MPDZ: variants seen among roughly 807,000 people sequenced by gnomAD.
The protein encoded by MPDZ is multiple PDZ domain crumbs cell polarity complex component, also known as multiple PDZ domain protein.
MPDZ carries 234 observed loss-of-function variants against 239.1 expected under a neutral mutation model. That is an observed-to-expected ratio of 0.98 (90% confidence interval 0.88 to 1.09). The LOEUF (loss-of-function observed/expected upper bound fraction) is 1.09. Ranked by LOEUF, MPDZ falls within the 50% of genes least tolerant of loss-of-function variation. The pLI is 0.00. For synonymous variants in MPDZ, 1,048 were observed against 881.3 expected, an observed-to-expected ratio of 1.19 and a Z score of -3.35; for missense variants, 3,175 against 2,510.0, an observed-to-expected ratio of 1.26 and a Z score of -5.66.
intron 19 of MPDZ, among the ~76,000 whole-genome samples, chr9:13,176,863 GA>G (rs1952568479): frequency 1.3e-5 from 2 of 152,056 alleles, no homozygotes; most frequent in South Asian, 4.1e-4. Flanking sequence ...AATTGATTTG[GA>G]CTCATAAGGG....
chr9:13,192,033 T>C, intron 15 of MPDZ, 98 bp downstream of exon 15: 1 of 1,117,394 alleles, frequency 8.9e-7, no homozygotes, highest in Non-Finnish European at 1.2e-6. Context: ...GCGATGTGAG[T>C]AAATCAAATA....
intron 18 of MPDZ, among the ~76,000 whole-genome samples, chr9:13,185,585 A>G (rs1222042958): frequency 1.3e-5 from 2 of 152,126 alleles, no homozygotes; most frequent in African/African-American, 2.4e-5. Context: ...TATGTTGAGT[A>G]AATGTCACAT....
chr9:13,117,472 AGTG>A (rs1943649341), intron 39 of MPDZ, among the ~76,000 whole-genome samples: 1 of 150,818 alleles, frequency 6.6e-6, no homozygotes, highest in African/African-American at 2.4e-5. Context: ...CGGAGCTTGC[AGTG>A]AGCCGAGATC....
At chr9:13,114,633 G>A (rs1270844042) in intron 40 of MPDZ, among the ~76,000 whole-genome samples, 1 of 152,110 alleles carries the variant, frequency 6.6e-6, no homozygotes, top group African/African-American at 2.4e-5. Context: ...CAGGTACGGT[G>A]GCTCATGCCT....
rs1469672813 is a variant in MPDZ, at chr9:13,176,341, A to C, written c.2726T>G (p.Leu909Arg). ...AGGTGTATTCTCATCCTGTCTTTGC[A>C]GGAGATTCTGGGTATATAGTTCCTC... Reference protein sequence around the residue: ...SLEELYTQNLLQRQDENTPSV... With the variant: ...SLEELYTQNLRQRQDENTPSV... The change falls in exon 20 of 47, where the codon CTG becomes CGG. Residue 909 changes from leucine (L) to arginine (R), a missense_variant. Leu to Arg is a moderately radical substitution (Grantham distance 102). Coordinates refer to ENST00000319217, the MANE Select transcript of MPDZ (RefSeq NM_001378778.1). 1 of 1,608,214 alleles carries C rather than the reference A, an allele frequency of 6.2e-7. No individual in the cohort carries two copies.
At chr9:13,273,443 C>T (rs1164430093) in intron 1 of MPDZ, among the ~76,000 whole-genome samples, 1 of 152,080 alleles carries the variant, frequency 6.6e-6, no homozygotes, top group Middle Eastern at 3.2e-3. Flanking sequence ...TCCTATGGAG[C>T]CACCTGAGTA....
At chr9:13,240,893 C>T (rs1231998083) in intron 3 of MPDZ, among the ~76,000 whole-genome samples, 2 of 152,176 alleles carry the variant, frequency 1.3e-5, no homozygotes, top group East Asian at 3.9e-4. Context: ...CAGTAAATTT[C>T]ACATTTTTTT....
chr9:13,232,002 G>C (rs1258739992), intron 3 of MPDZ, among the ~76,000 whole-genome samples: 1 of 151,914 alleles, frequency 6.6e-6, no homozygotes, highest in East Asian at 1.9e-4. Context: ...CAGTTCAAAA[G>C]ATGGGAGAAA....
chr9:13,248,439 G>T (rs1376141503), intron 2 of MPDZ, among the ~76,000 whole-genome samples: 1 of 151,996 alleles, frequency 6.6e-6, no homozygotes, highest in Non-Finnish European at 1.5e-5. Context: ...TAAATATATT[G>T]AGTAACTATG....
chr9:13,219,309 T>C (rs910358064), intron 8 of MPDZ, among the ~76,000 whole-genome samples: 1 of 152,028 alleles, frequency 6.6e-6, no homozygotes, highest in African/African-American at 2.4e-5. Flanking sequence ...ATTATCCTCA[T>C]AAATATGCTG....
rs1382608315 is a variant in MPDZ at position 13,245,864 on chromosome 9, C to G, written c.183+1771G>C. On this transcript the variant is annotated intron_variant, in intron 3 of 46. Coordinates refer to ENST00000319217, the MANE Select transcript of MPDZ (RefSeq NM_001378778.1). ...CTATTTGTCCCCTCCTTTCATGAGA[C>G]ACTGTATGCACAAATAACTATTCCT... is the stretch of plus-strand genomic sequence containing the variant. Among the ~76,000 whole-genome samples the G allele has an allele frequency of 3.7e-4, 56 of 152,100 alleles. 1 individual carries two copies. Among genetic ancestry groups the G allele is most frequent in the Admixed American group, 3.7e-3 (56 of 15,268 alleles).
At chr9:13,174,177 G>C (rs4145186) in intron 21 of MPDZ, among the ~76,000 whole-genome samples, 145,034 of 152,244 alleles carry the variant, frequency 0.95, 69,428 homozygotes, top group Non-Finnish European at 1. Flanking sequence ...TCCACACTTG[G>C]AGAGTAGGGA....
At position 13,112,062 on chromosome 9, in the gene MPDZ, G is replaced by A. The variant is rs1942581163; in HGVS notation, c.5686C>T (p.His1896Tyr). 2 of 1,613,494 alleles carry A rather than the reference G, an allele frequency of 1.2e-6. No individual in the cohort carries two copies. Among genetic ancestry groups the A allele is most frequent in the African/African-American group, 2.7e-5 (2 of 74,884 alleles). ...GDVPIFIAMM[H>Y]PTGVAAQTQK... ...GTCTGTGCTGCAACTCCAGTTGGGT[G>A]CATCATTGCAATAAATATAGGCACA... Residue 1896 changes from histidine to tyrosine, a missense_variant, in exon 43 of 47, where the codon CAC becomes TAC. His to Tyr is a moderately conservative substitution (Grantham distance 83). Transcript: ENST00000319217.
chr9:13,212,963 C>T (rs939040580), intron 10 of MPDZ, among the ~76,000 whole-genome samples: 4 of 151,942 alleles, frequency 2.6e-5, no homozygotes, highest in African/African-American at 9.7e-5. Context: ...CCAACATATC[C>T]TATACGTATA....
chr9:13,125,823 AC>A (rs1945026011), intron 34 of MPDZ, among the ~76,000 whole-genome samples: 1 of 152,208 alleles, frequency 6.6e-6, no homozygotes, highest in African/African-American at 2.4e-5. Context: ...AAAGTATACA[AC>A]AAAAAAGTCA....
chr9:13,117,001 A>G (rs1191247111), intron 39 of MPDZ, among the ~76,000 whole-genome samples: 1 of 152,150 alleles, frequency 6.6e-6, no homozygotes, highest in Non-Finnish European at 1.5e-5. Flanking sequence ...GCCTGACACT[A>G]TGGATAGTGC....
At chr9:13,217,070 A>T (rs534668844) in intron 9 of MPDZ, 110 bp downstream of exon 9, 1 of 889,612 alleles carries the variant, frequency 1.1e-6, no homozygotes, top group African/African-American at 1.7e-5. Flanking sequence ...GAAGTTTTCA[A>T]CCAGTTTATC....
At chr9:13,107,560 T>C (rs1322333082) in intron 46 of MPDZ, among the ~76,000 whole-genome samples, 3 of 152,132 alleles carry the variant, frequency 2.0e-5, no homozygotes, top group Non-Finnish European at 2.9e-5. Flanking sequence ...AATCCAAAGG[T>C]CTGCAAAAGC....
chr9:13,158,146 C>G (rs745812662), intron 23 of MPDZ, 36 bp from the exon 24 acceptor site: 6 of 1,548,206 alleles, frequency 3.9e-6, no homozygotes, highest in East Asian at 2.3e-5. Flanking sequence ...ACCCCAAAAT[C>G]CTAGTAAAAA....
Sources: gnomAD v4.1 joint callset for allele counts (sites outside exome capture counted in the v4.1 genomes callset) on GRCh38, gnomAD v4.1.1 for gene constraint, MANE v1.5 for transcripts, NCBI Gene and HGNC (gene_info 2026-07-23, HGNC 2026-07-21) for gene names.